DACH2: variants seen among roughly 807,000 people sequenced by gnomAD.
DACH2 encodes the protein dachshund family transcription factor 2.
In DACH2, 17 loss-of-function variants were observed where a neutral mutation model predicts 35.8. The ratio of observed to expected loss-of-function variants is 0.48; its 90% CI spans 0.33 to 0.71. The LOEUF is 0.71. Ranked by LOEUF, DACH2 falls within the 30% of genes least tolerant of loss-of-function variation. DACH2 has a pLI of 0.02. For missense variants in DACH2, 469 were observed against 472.7 expected (o/e 0.99, Z 0.07); for synonymous variants, 195 against 177.3 (o/e 1.10, Z -0.79).
chrX:86,542,515 G>A (rs182333469), intron 3 of DACH2, among the ~76,000 whole-genome samples: 213 of 111,653 alleles, frequency 1.9e-3, no homozygotes, highest in African/African-American at 6.6e-3. Context: ...TTGAAATGCA[G>A]CACAAAAACC....
At chrX:86,197,169 T>C (rs1470849381) in intron 1 of DACH2, among the ~76,000 whole-genome samples, 1 of 111,567 alleles carries the variant, frequency 9.0e-6, no homozygotes, top group Non-Finnish European at 1.9e-5. Flanking sequence ...CTAAGCTTCA[T>C]AAGCAGAGGA....
chrX:86,256,945 T>C (rs970776125), intron 1 of DACH2, among the ~76,000 whole-genome samples: 1 of 111,814 alleles, frequency 8.9e-6, no homozygotes, highest in South Asian at 3.7e-4. Flanking sequence ...TATATTCACA[T>C]AATCCAAAGG....
intron 1 of DACH2, among the ~76,000 whole-genome samples, chrX:86,223,553 G>T (rs778254153): frequency 9.0e-6 from 1 of 111,499 alleles, no homozygotes; most frequent in East Asian, 2.8e-4. Flanking sequence ...ATAGCATTTT[G>T]TGTGTATGTA....
chrX:86,330,980 T>G, intron 1 of DACH2, among the ~76,000 whole-genome samples: 1 of 111,650 alleles, frequency 9.0e-6, no homozygotes, highest in Middle Eastern at 4.6e-3. Flanking sequence ...ACACATGAAA[T>G]TTTACTTTAA....
intron 4 of DACH2, among the ~76,000 whole-genome samples, chrX:86,688,394 G>C: frequency 8.9e-6 from 1 of 111,785 alleles, no homozygotes; most frequent in Non-Finnish European, 1.9e-5. Flanking sequence ...ATGTGAGAGA[G>C]TAATGAGGGT....
chrX:86,294,473 G>A (rs1602370377), intron 1 of DACH2, among the ~76,000 whole-genome samples: 3 of 111,127 alleles, frequency 2.7e-5, no homozygotes, highest in African/African-American at 9.8e-5. Flanking sequence ...GTGAGGAACT[G>A]CATTCCTTTG....
chrX:86,642,635 C>T (rs1308112807), intron 3 of DACH2, among the ~76,000 whole-genome samples: 1 of 111,969 alleles, frequency 8.9e-6, no homozygotes, highest in East Asian at 2.8e-4. Context: ...ATTCTTCACC[C>T]TAAAACAACA....
intron 5 of DACH2, among the ~76,000 whole-genome samples, chrX:86,706,724 A>G (rs1039071894): frequency 1.4e-4 from 16 of 110,351 alleles, no homozygotes; most frequent in African/African-American, 5.2e-4. Context: ...TGGAGATTAA[A>G]CAGTACACTT....
chrX:86,796,983 G>C (rs1251854958), intron 7 of DACH2, among the ~76,000 whole-genome samples: 2 of 111,273 alleles, frequency 1.8e-5, no homozygotes, highest in African/African-American at 6.5e-5. Context: ...ATAACTGATG[G>C]AAATATAGAA....
intron 1 of DACH2, among the ~76,000 whole-genome samples, chrX:86,189,810 C>A (rs1012786393): frequency 8.1e-5 from 9 of 111,247 alleles, no homozygotes; most frequent in African/African-American, 3.3e-5. Flanking sequence ...GATGGCCACT[C>A]TTTTTCCTTT....
chrX:86,650,098 A>G, intron 3 of DACH2, among the ~76,000 whole-genome samples: 1 of 110,753 alleles, frequency 9.0e-6, no homozygotes, highest in East Asian at 2.9e-4. Flanking sequence ...TTCCTTATAT[A>G]TGGTTGTGTT....
intron 2 of DACH2, among the ~76,000 whole-genome samples, chrX:86,457,675 A>C (rs1304912453): frequency 8.9e-6 from 1 of 112,479 alleles, no homozygotes; most frequent in Non-Finnish European, 1.9e-5. Flanking sequence ...TTTATGAAAT[A>C]AGTACTATGA....
intron 3 of DACH2, among the ~76,000 whole-genome samples, chrX:86,534,203 G>A (rs780037234): frequency 1.1e-4 from 12 of 111,848 alleles, no homozygotes; most frequent in Non-Finnish European, 1.5e-4. Flanking sequence ...ACAAAAGATG[G>A]TGGGAGGTAA....
At chrX:86,358,090 C>T (rs1261752396) in intron 1 of DACH2, among the ~76,000 whole-genome samples, 1 of 111,557 alleles carries the variant, frequency 9.0e-6, no homozygotes, top group Non-Finnish European at 1.9e-5. Flanking sequence ...CATGTCCTCT[C>T]CCACTTCATC....
At chrX:86,586,478 A>C (rs2039572089) in intron 3 of DACH2, among the ~76,000 whole-genome samples, 2 of 111,596 alleles carry the variant, frequency 1.8e-5, no homozygotes, top group Admixed American at 1.9e-4. Context: ...TTCATCATGA[A>C]ACCTTTGCCA....
chrX:86,356,562 C>A (rs1028102092), intron 1 of DACH2, among the ~76,000 whole-genome samples: 4 of 111,120 alleles, frequency 3.6e-5, no homozygotes, highest in East Asian at 2.8e-4. Flanking sequence ...GTTTCTAATT[C>A]TATGAAAAAT....
chrX:86,565,462 A>T (rs1421472897), intron 3 of DACH2, among the ~76,000 whole-genome samples: 1 of 111,384 alleles, frequency 9.0e-6, no homozygotes, highest in Non-Finnish European at 1.9e-5. Flanking sequence ...TGAATCAAAA[A>T]CATTGGCAGC....
intron 3 of DACH2, among the ~76,000 whole-genome samples, chrX:86,540,221 G>A (rs998107558): frequency 9.0e-6 from 1 of 111,701 alleles, no homozygotes; most frequent in African/African-American, 3.2e-5. Context: ...TTTTCAGATA[G>A]CACTTAATAA....
At chrX:86,237,948 G>A (rs1203063266) in intron 1 of DACH2, among the ~76,000 whole-genome samples, 2 of 111,999 alleles carry the variant, frequency 1.8e-5, no homozygotes, top group South Asian at 3.7e-4. Flanking sequence ...TGGGCTCCCC[G>A]AAGTGCCACA....
Sources: gnomAD v4.1 joint callset for allele counts (sites outside exome capture counted in the v4.1 genomes callset) on GRCh38, gnomAD v4.1.1 for gene constraint, MANE v1.5 for transcripts, NCBI Gene and HGNC (gene_info 2026-07-23, HGNC 2026-07-21) for gene names.